ITSN1: variants seen among roughly 807,000 people sequenced by gnomAD.
The protein encoded by ITSN1 is intersectin 1.
ITSN1 carries 58 observed loss-of-function variants against 239.8 expected under a neutral mutation model. That is an observed-to-expected ratio of 0.24 (90% CI 0.20 to 0.30). The LOEUF is 0.30. Among genes scored for constraint, ITSN1 ranks in the 10% least tolerant of loss-of-function variants. The pLI, the probability that ITSN1 is intolerant of heterozygous loss-of-function variation, is 1.00. For missense variants in ITSN1, 1,558 were observed against 2,103.3 expected (o/e 0.74, Z 5.07); for synonymous variants, 780 against 770.8 (o/e 1.01, Z -0.20).
Position 33,717,081 on chromosome 21 carries a change from T to G in ITSN1, c.-32-1716T>G, listed in dbSNP as rs557848538. On this transcript the variant is annotated intron_variant, in intron 1 of 39. Coordinates refer to ENST00000381318, the MANE Select transcript of ITSN1 (RefSeq NM_003024.3). ...TAAAAATGTGATAGTTGGAAAAAAC[T>G]TCTGTGGACAAATTGGAAGATGAAA... is the stretch of plus-strand genomic sequence containing the variant. Among the ~76,000 whole-genome samples the G allele has an allele frequency of 7.9e-5, 12 of 152,246 alleles. No individual in the cohort carries two copies. The East Asian group carries it at 1.9e-3, about 24-fold the overall frequency.
At chr21:33,746,203 A>C (rs1384435941) in intron 5 of ITSN1, among the ~76,000 whole-genome samples, 1 of 152,262 alleles carries the variant, frequency 6.6e-6, no homozygotes, top group Non-Finnish European at 1.5e-5. Context: ...CCGGTTACTA[A>C]ATAAAGATAG....
chr21:33,803,316 T>C (rs374191540), intron 20 of ITSN1, among the ~76,000 whole-genome samples: 1 of 152,208 alleles, frequency 6.6e-6, no homozygotes. Flanking sequence ...AATTCTATTT[T>C]TCTCCTTCCT....
chr21:33,883,376 C>A (rs1985247454), intron 35 of ITSN1, among the ~76,000 whole-genome samples, 174 bp from the exon 36 acceptor site: 1 of 152,206 alleles, frequency 6.6e-6, no homozygotes, highest in African/African-American at 2.4e-5. Context: ...CCCAGAAACA[C>A]ACACACATGC....
At chr21:33,654,060 T>A (rs2088810193) in intron 1 of ITSN1, among the ~76,000 whole-genome samples, 1 of 151,954 alleles carries the variant, frequency 6.6e-6, no homozygotes, top group Admixed American at 6.6e-5. Context: ...CTTTGTCTCT[T>A]CTTTCTCTCT....
intron 29 of ITSN1, chr21:33,837,196 A>G: frequency 7.7e-7 from 1 of 1,297,232 alleles, no homozygotes; most frequent in Non-Finnish European, 9.8e-7. Flanking sequence ...TGTTTGAGTT[A>G]TTACTTGCAG....
chr21:33,773,975 C>T (rs62227753), intron 12 of ITSN1, among the ~76,000 whole-genome samples: 65 of 152,118 alleles, frequency 4.3e-4, no homozygotes, highest in Admixed American at 9.2e-4. Context: ...CCACTGCGCC[C>T]GGCCCCGTAA....
At position 33,772,795 on chromosome 21, in the gene ITSN1, A is replaced by G. The variant is rs144124499; in HGVS notation, c.1305+472A>G. Among the ~76,000 whole-genome samples, 274 of 152,272 alleles carry G rather than the reference A, an allele frequency of 1.8e-3. 1 individual carries two copies. The highest frequency in any genetic ancestry group is 6.5e-3 in the African/African-American group (268 of 41,550). ...GTCATTGTGGCTATTATAAACAATG[A>G]TGTTATGAACATTAATGTACAAGTT... is the stretch of plus-strand genomic sequence containing the variant. On this transcript the variant is annotated intron_variant, in intron 12 of 39. Transcript: ENST00000381318.
At chr21:33,644,180 T>G (rs919132117) in intron 1 of ITSN1, among the ~76,000 whole-genome samples, 1 of 152,260 alleles carries the variant, frequency 6.6e-6, no homozygotes, top group African/African-American at 2.4e-5. Flanking sequence ...ATGTTTCTGT[T>G]TAAAATTTCT....
Position 33,737,660 on chromosome 21 carries a change from G to C in ITSN1, c.346+2456G>C, listed in dbSNP as rs527584733. Among the ~76,000 whole-genome samples, 3 of 152,114 alleles carry C rather than the reference G, an allele frequency of 2.0e-5. No individual in the cohort carries two copies. The South Asian group carries it at 6.3e-4, about 32-fold the overall frequency. Reference sequence around the variant, plus strand: ...ATGATCTTGGCTCACTGCAACCTCTGCCTCCCGGGTTCAAGCAGTTCTCCT... The same window carrying C: ...ATGATCTTGGCTCACTGCAACCTCTCCCTCCCGGGTTCAAGCAGTTCTCCT... On this transcript the variant is annotated intron_variant, in intron 5 of 39. Transcript: ENST00000381318.
chr21:33,803,974 A>T (rs913313227), intron 20 of ITSN1, among the ~76,000 whole-genome samples: 1 of 152,236 alleles, frequency 6.6e-6, no homozygotes, highest in Non-Finnish European at 1.5e-5. Flanking sequence ...GATAACAGTC[A>T]ATGCAAAAAG....
chr21:33,797,774 A>G lies in ITSN1; in HGVS notation c.2182+166A>G, dbSNP rs939161517. Among the ~76,000 whole-genome samples, 1 of 152,116 alleles carries G rather than the reference A, an allele frequency of 6.6e-6. No individual in the cohort carries two copies. Among genetic ancestry groups the G allele is most frequent in the African/African-American group, 2.4e-5 (1 of 41,418 alleles). On this transcript the variant is annotated intron_variant, in intron 18 of 39. Coordinates refer to ENST00000381318, the MANE Select transcript of ITSN1 (RefSeq NM_003024.3). The surrounding 1 kb of genome is among the most constrained non-coding windows in gnomAD (Gnocchi z 4.9). ...GCTCTTCTTTCCCCAGGGTCATTTG[A>G]GATCTGTGTAATTCTCCCACCACCA...
At chr21:33,884,387 A>C (rs1985442654) in intron 36 of ITSN1, among the ~76,000 whole-genome samples, 1 of 152,170 alleles carries the variant, frequency 6.6e-6, no homozygotes, top group Non-Finnish European at 1.5e-5. Flanking sequence ...TTAAATGGGC[A>C]TTCTGGAACC....
Position 33,695,542 on chromosome 21 carries a change from G to A in ITSN1, c.-32-23255G>A, listed in dbSNP as rs959395043. ...AATACCTCTGCTGGATTTTGCAAGC[G>A]TGAAACTAAAACACAGTGAAATTTG... is the stretch of plus-strand genomic sequence containing the variant. On this transcript the variant is annotated intron_variant, in intron 1 of 39. Transcript: ENST00000381318. 3.9e-5 allele frequency among the ~76,000 whole-genome samples: 6 copies of A among 152,210 alleles called. No homozygotes were observed. In the East Asian group the frequency reaches 5.8e-4, roughly 15 times the overall value.
chr21:33,727,164 T>G (rs188801235), intron 4 of ITSN1, among the ~76,000 whole-genome samples: 6 of 152,302 alleles, frequency 3.9e-5, no homozygotes, highest in African/African-American at 1.4e-4. Context: ...TACATCTTCC[T>G]AGAAATTGTC....
rs557003194 is a variant in ITSN1, at chr21:33,895,712, TGTGC to T, written c.*7417_*7420del. ...ATATGTGTATGTGTGTGCGCGTGCGTGTGCGTGCATGTGTGCGCATGCGTGTGTA... is the reference window on the plus strand; with the variant it reads ...ATATGTGTATGTGTGTGCGCGTGCGTGTGCATGTGTGCGCATGCGTGTGTA... On this transcript the variant is annotated 3_prime_UTR_variant, in exon 40 of 40. Transcript: ENST00000381318. 6.6e-6 allele frequency: 1 copy of T among 152,142 alleles called. No individual in the cohort carries two copies. The highest frequency in any genetic ancestry group is 2.4e-5 in the African/African-American group (1 of 41,364). 9.4% of individuals were successfully genotyped at this position (152,142 alleles called of 1,614,324 possible).
intron 29 of ITSN1, among the ~76,000 whole-genome samples, chr21:33,842,021 C>G (rs976397573): frequency 3.3e-5 from 5 of 151,282 alleles, no homozygotes; most frequent in African/African-American, 4.9e-5. Context: ...CTGCCTCAGC[C>G]TCCCCAGTAG....
At chr21:33,701,805 A>AT (rs1003452177) in intron 1 of ITSN1, among the ~76,000 whole-genome samples, 39 of 150,696 alleles carry the variant, frequency 2.6e-4, no homozygotes, top group Non-Finnish European at 4.0e-4. Context: ...AAAAAAAAAA[A>AT]GGCCGGAATC....
At position 33,834,287 on chromosome 21, in the gene ITSN1, TG is replaced by T; in HGVS notation, c.3352-19del. 6.4e-7 allele frequency: 1 copy of T among 1,562,738 alleles called. No homozygotes were observed. Among genetic ancestry groups the T allele is most frequent in the Non-Finnish European group, 8.8e-7 (1 of 1,133,532 alleles). ...AAGATGCGCCTTTAAAAATGTTTGA[TG>T]TAATTATTTTCTTACTAGGCACGTG... On this transcript the variant is annotated intron_variant, in intron 27 of 39. Coordinates refer to ENST00000381318, the MANE Select transcript of ITSN1 (RefSeq NM_003024.3).
chr21:33,858,244 C>CG (rs1979743980), intron 30 of ITSN1, among the ~76,000 whole-genome samples: 1 of 152,204 alleles, frequency 6.6e-6, no homozygotes, highest in East Asian at 1.9e-4. Context: ...GGAGCTGCCG[C>CG]CTGGGCTGCT....
Sources: gnomAD v4.1 joint callset for allele counts (sites outside exome capture counted in the v4.1 genomes callset) on GRCh38, gnomAD v4.1.1 for gene constraint, Gnocchi (gnomAD v3.1) non-coding constraint, MANE v1.5 for transcripts, NCBI Gene and HGNC (gene_info 2026-07-23, HGNC 2026-07-21) for gene names.